Variants in MX1 observed in about 807,000 individuals in gnomAD.
MX1 encodes interferon-induced GTP-binding protein Mx1.
Under a neutral mutation model 66.4 loss-of-function variants are expected in MX1, and 66 were observed. The observed-to-expected ratio is 0.99, with a 90% CI of 0.82 to 1.22. MX1 has a LOEUF of 1.22. MX1 is among the 50% of genes most tolerant of loss of function. MX1 has a pLI of 0.00. For missense variants in MX1, 787 were observed against 834.3 expected (o/e 0.94, Z 0.70); for synonymous variants, 311 against 318.1 (o/e 0.98, Z 0.24).
rs548016085 is a variant in MX1, at chr21:41,451,198, G to A, written c.1464G>A (p.Ser488=). The change falls in exon 15 of 17, where the codon TCG becomes TCA. Residue 488 remains serine, a synonymous_variant. Transcript: ENST00000398598. Reference sequence around the variant, plus strand: ...TCCGGCTTGCTTTCACAGATGTTTCGATAAAAAATTTTGAAGAGTTTTTTA... The same window carrying A: ...TCCGGCTTGCTTTCACAGATGTTTCAATAAAAAATTTTGAAGAGTTTTTTA... ...DMVRLAFTDV[S]IKNFEEFFNL... 4.5e-5 allele frequency: 73 copies of A among 1,610,770 alleles called. No individual in the cohort carries two copies. The highest frequency in any genetic ancestry group is 3.0e-4 in the Admixed American group (18 of 59,890).
rs1416498967 is a variant in MX1, at chr21:41,453,200, C to G, written c.1758+331C>G. ...CCAAGTGAAAGGGGTTTCCCCTTAT[C>G]AAACCATCAGATCTCATGAGAGTTA... On this transcript the variant is annotated intron_variant, in intron 16 of 16. Transcript: ENST00000398598. Among the ~76,000 whole-genome samples, 4 of 152,184 alleles carry G rather than the reference C, an allele frequency of 2.6e-5. No individual in the cohort carries two copies. In the East Asian group the frequency reaches 7.7e-4, roughly 29 times the overall value.
chr21:41,421,929 GC>G (rs1481248245), upstream of MX1: 1 of 152,322 alleles, frequency 6.6e-6, no homozygotes, highest in Non-Finnish European at 1.5e-5. Flanking sequence ...GAAACATCGA[GC>G]CTGGGAACTG....
At chr21:41,435,404 T>C (rs1245879362) in intron 5 of MX1, among the ~76,000 whole-genome samples, 1 of 152,252 alleles carries the variant, frequency 6.6e-6, no homozygotes, top group Non-Finnish European at 1.5e-5. Context: ...ATTAGACTTA[T>C]TGAAGTTGGC....
At chr21:41,431,844 G>A in intron 4 of MX1, 1 of 506,646 alleles carries the variant, frequency 2.0e-6, no homozygotes, top group Non-Finnish European at 3.6e-6. Flanking sequence ...GGCTTCTTTG[G>A]GTCACTCTGT....
intron 8 of MX1, 59 bp downstream of exon 8, chr21:41,439,907 G>T: frequency 5.5e-6 from 8 of 1,446,818 alleles, no homozygotes; most frequent in East Asian, 2.4e-5. Flanking sequence ...GAGTGGAGGG[G>T]TGGGAGGAGA....
At position 41,431,835 on chromosome 21, in the gene MX1, G is replaced by C. The variant is rs527367910; in HGVS notation, c.-21-215G>C. ...CAGCGTTTGTCTTTATCTGACCTTG[G>C]CTTCTTTGGGTCACTCTGTTTCTCT... On this transcript the variant is annotated intron_variant, in intron 4 of 16. Transcript: ENST00000398598. The C allele has an allele frequency of 2.5e-4, 124 of 489,140 alleles. 1 individual carries two copies. Among genetic ancestry groups the C allele is most frequent in the African/African-American group, 2.4e-3 (121 of 51,292 alleles). The allele number at this position is 489,140 out of a possible 1,614,324, so 30.3% of individuals were successfully genotyped here.
chr21:41,451,881 G>C (rs1218383626), intron 15 of MX1, among the ~76,000 whole-genome samples: 1 of 151,068 alleles, frequency 6.6e-6, no homozygotes, highest in African/African-American at 2.4e-5. Context: ...TCCAGAGTGA[G>C]GAAAGAGCCT....
chr21:41,449,956 A>G (rs2090779179), intron 14 of MX1, among the ~76,000 whole-genome samples: 2 of 152,152 alleles, frequency 1.3e-5, no homozygotes, highest in Non-Finnish European at 1.5e-5. Flanking sequence ...CCCGGCCCCA[A>G]TCCTGAAGCT....
At chr21:41,445,384 G>C in intron 11 of MX1, 64 bp from the exon 12 acceptor site, 1 of 1,592,370 alleles carries the variant, frequency 6.3e-7, no homozygotes, top group Non-Finnish European at 8.6e-7. Flanking sequence ...GGAGGCCCGG[G>C]ACCTCCTTTT....
intron 13 of MX1, among the ~76,000 whole-genome samples, chr21:41,447,616 T>A (rs1299569689): frequency 6.6e-6 from 1 of 152,056 alleles, no homozygotes; most frequent in Non-Finnish European, 1.5e-5. Context: ...TGCCAGGGGC[T>A]GGGGAGGGAA....
chr21:41,451,343 G>T (rs1165779076), intron 15 of MX1, 100 bp downstream of exon 15: 3 of 827,662 alleles, frequency 3.6e-6, no homozygotes, highest in Non-Finnish European at 4.0e-6. Flanking sequence ...CAACTTTATT[G>T]TATACTTTTA....
upstream of MX1, among the ~76,000 whole-genome samples, chr21:41,424,476 C>CA (rs2090026470): frequency 6.6e-6 from 1 of 152,194 alleles, no homozygotes. Context: ...CCCCTGACCC[C>CA]AGGACCTAAA....
chr21:41,441,735 T>C lies in MX1; in HGVS notation c.750T>C (p.Asp250=), dbSNP rs752198200. 1.9e-6 allele frequency: 3 copies of C among 1,614,024 alleles called. No individual in the cohort carries two copies. The highest frequency in any genetic ancestry group is 1.7e-6 in the Non-Finnish European group (2 of 1,180,026). The change falls in exon 10 of 17, where the codon GAT becomes GAC. Residue 250 remains aspartate, a synonymous_variant. Coordinates refer to ENST00000398598, the MANE Select transcript of MX1 (RefSeq NM_002462.5). This position sits in a 1 kb window ranked among gnomAD's most constrained non-coding sequence, Gnocchi z 4.0. Reference sequence around the variant, plus strand: ...TCGCAGGAATCTTGACGAAGCCTGATCTGGTGGACAAAGGAACTGAAGACA... The same window carrying C: ...TCGCAGGAATCTTGACGAAGCCTGACCTGGTGGACAAAGGAACTGAAGACA... ...DRTIGILTKP[D]LVDKGTEDKV...
intron 8 of MX1, 107 bp from the exon 9 acceptor site, chr21:41,440,780 T>C (rs1675431302): frequency 7.6e-7 from 1 of 1,311,536 alleles, no homozygotes; most frequent in South Asian, 1.2e-5. Context: ...TTGGGGGAAA[T>C]ACCCCTGGGA....
intron 5 of MX1, among the ~76,000 whole-genome samples, chr21:41,433,284 G>C (rs576513206): frequency 1.2e-4 from 18 of 152,338 alleles, no homozygotes; most frequent in Admixed American, 3.3e-4. Context: ...TGCTTTACCA[G>C]GCTCTCCAGG....
At chr21:41,450,532 A>G (rs2090794225) in intron 14 of MX1, among the ~76,000 whole-genome samples, 1 of 152,186 alleles carries the variant, frequency 6.6e-6, no homozygotes, top group African/African-American at 2.4e-5. Context: ...ACCTGCAATC[A>G]TGTTGTTTTG....
intron 5 of MX1, among the ~76,000 whole-genome samples, 189 bp downstream of exon 5, chr21:41,432,364 C>T (rs987716676): frequency 2.6e-5 from 4 of 152,182 alleles, no homozygotes; most frequent in Non-Finnish European, 4.4e-5. Flanking sequence ...CTTAGCTCAC[C>T]GTGGGTGGAG....
chr21:41,445,888 A>G, intron 12 of MX1, 112 bp from the exon 13 acceptor site: 4 of 1,361,266 alleles, frequency 2.9e-6, no homozygotes, highest in Non-Finnish European at 4.0e-6. Context: ...ACAGTGTCCC[A>G]TAAGAAAGCA....
At position 41,435,917 on chromosome 21, in the gene MX1, A is replaced by G. The variant is rs754562928; in HGVS notation, c.186A>G (p.Leu62=). The G allele has an allele frequency of 6.2e-7, 1 of 1,614,166 alleles. No individual in the cohort carries two copies. Among genetic ancestry groups the G allele is most frequent in the Non-Finnish European group, 8.5e-7 (1 of 1,180,018 alleles). Residue 62 remains leucine, a synonymous_variant, in exon 6 of 17, where the codon CTA becomes CTG. Coordinates refer to ENST00000398598, the MANE Select transcript of MX1 (RefSeq NM_002462.5). ...CIDLIDSLRA[L]GVEQDLALPA... ...ACCTCATTGACTCCCTGCGGGCTCT[A>G]GGTGTGGAGCAGGACCTGGCCCTGC...
Sources: gnomAD v4.1 joint callset for allele counts (sites outside exome capture counted in the v4.1 genomes callset) on GRCh38, gnomAD v4.1.1 for gene constraint, Gnocchi (gnomAD v3.1) non-coding constraint, MANE v1.5 for transcripts, NCBI Gene and HGNC (gene_info 2026-07-23, HGNC 2026-07-21) for gene names.